Variants in ADARB1 observed in about 807,000 individuals in gnomAD.
ADARB1 encodes double-stranded RNA-specific editase 1.
Under a neutral mutation model 52.4 loss-of-function variants are expected in ADARB1, and 10 were observed. The observed-to-expected ratio is 0.19, with a 90% CI of 0.12 to 0.32. The LOEUF (loss-of-function observed/expected upper bound fraction) is 0.32, where lower values mean the gene tolerates loss of function less well. ADARB1 is among the 10% of genes least tolerant of loss of function. The probability of loss-of-function intolerance (pLI) is 1.00; values close to 1 mark genes in which losing one functional copy is unlikely to be tolerated. For missense variants in ADARB1, 643 were observed against 922.3 expected (o/e 0.70, Z 3.92); for synonymous variants, 349 against 371.1 (o/e 0.94, Z 0.68).
chr21:45,088,781 C>T (rs545134490), intron 1 of ADARB1, among the ~76,000 whole-genome samples: 1 of 152,194 alleles, frequency 6.6e-6, no homozygotes, highest in Non-Finnish European at 1.5e-5. Context: ...GTCACCTGGG[C>T]GATCAAGATC....
chr21:45,176,062 G>A lies in ADARB1; in HGVS notation c.361G>A (p.Glu121Lys). ...MSVEVNGQVF[E>K]GSGPTKKKAK... ...TGTGGAGGTGAATGGCCAGGTTTTTGAGGGCTCTGGTCCCACAAAGAAAAA... is the reference window on the plus strand; with the variant it reads ...TGTGGAGGTGAATGGCCAGGTTTTTAAGGGCTCTGGTCCCACAAAGAAAAA... The change falls in exon 4 of 11, where the codon GAG becomes AAG. Residue 121 changes from glutamate (E) to lysine (K), a missense_variant. Around this residue, in one of 2 missense-constraint regions of ADARB1, gnomAD observed 380 missense variants for 446.5 expected, o/e 0.85. Transcript: ENST00000348831. This position sits in a 1 kb window ranked among gnomAD's most constrained non-coding sequence, Gnocchi z 5.8. 1 of 1,614,144 alleles carries A rather than the reference G, an allele frequency of 6.2e-7. No homozygotes were observed. The highest frequency in any genetic ancestry group is 8.5e-7 in the Non-Finnish European group (1 of 1,180,022).
intron 1 of ADARB1, among the ~76,000 whole-genome samples, chr21:45,121,974 G>T (rs903122988): frequency 1.3e-5 from 2 of 152,098 alleles, no homozygotes; most frequent in Non-Finnish European, 2.9e-5. Context: ...ACTTCAAATG[G>T]CAGCTACTGT....
chr21:45,147,919 C>T (rs1383251616), intron 2 of ADARB1, among the ~76,000 whole-genome samples: 3 of 152,158 alleles, frequency 2.0e-5, no homozygotes, highest in African/African-American at 7.2e-5. Context: ...CCTCTGTCAC[C>T]GAGAGAGAGC....
intron 8 of ADARB1, among the ~76,000 whole-genome samples, chr21:45,196,316 A>G (rs986239654): frequency 1.3e-5 from 2 of 152,128 alleles, no homozygotes; most frequent in Non-Finnish European, 2.9e-5. Context: ...AAGCAAAAAA[A>G]ATCAAGCAAC....
At position 45,221,134 on chromosome 21, in the gene ADARB1, T is replaced by G; in HGVS notation, c.1926+120T>G. 1 of 1,182,032 alleles carries G rather than the reference T, an allele frequency of 8.5e-7. No individual in the cohort carries two copies. Among genetic ancestry groups the G allele is most frequent in the Non-Finnish European group, 1.2e-6 (1 of 858,046 alleles). The allele number at this position is 1,182,032 out of a possible 1,614,324, so 73.2% of individuals were successfully genotyped here. A position where few individuals can be genotyped will look rare whatever the true frequency, so the allele number is the denominator to read the frequency against. On this transcript the variant is annotated intron_variant, in intron 10 of 10. Transcript: ENST00000348831. The surrounding 1 kb of genome is among the most constrained non-coding windows in gnomAD (Gnocchi z 4.9). ...CATCATGCACAGCTTCCGAAAACGATCACTTGGAATGATTCTTCCTTCAGA... is the reference window on the plus strand; with the variant it reads ...CATCATGCACAGCTTCCGAAAACGAGCACTTGGAATGATTCTTCCTTCAGA...
At chr21:45,130,710 G>C (rs1014408401) in intron 2 of ADARB1, among the ~76,000 whole-genome samples, 2 of 152,148 alleles carry the variant, frequency 1.3e-5, no homozygotes, top group African/African-American at 4.8e-5. Context: ...AGTGCTGTCT[G>C]TGCCGTGTAG....
At chr21:45,184,845 C>A in intron 7 of ADARB1, 78 bp from the exon 8 acceptor site, 1 of 1,404,812 alleles carries the variant, frequency 7.1e-7, no homozygotes, top group Non-Finnish European at 9.8e-7. Flanking sequence ...AATTTATAAG[C>A]TATTGTTAGA....
At chr21:45,187,625 G>A (rs1384463443) in intron 8 of ADARB1, among the ~76,000 whole-genome samples, 4 of 152,162 alleles carry the variant, frequency 2.6e-5, no homozygotes, top group African/African-American at 7.2e-5. Flanking sequence ...TCACCGTTGA[G>A]TACAGTATTA....
chr21:45,221,025 GCC>G lies in ADARB1; in HGVS notation c.1926+13_1926+14del, dbSNP rs935716407. On this transcript the variant is annotated intron_variant, in intron 10 of 10. Coordinates refer to ENST00000348831, the MANE Select transcript of ADARB1 (RefSeq NM_001112.4). This position sits in a 1 kb window ranked among gnomAD's most constrained non-coding sequence, Gnocchi z 4.9. ...CGTGTGCACGGCAAGGTACTGAGGC[GCC>G]CTCACCGCAATGCGCCGGCTCCACC... The G allele has an allele frequency of 6.3e-7, 1 of 1,596,162 alleles. No individual in the cohort carries two copies. Among genetic ancestry groups the G allele is most frequent in the Non-Finnish European group, 8.6e-7 (1 of 1,169,292 alleles).
intron 1 of ADARB1, among the ~76,000 whole-genome samples, chr21:45,077,039 A>G (rs1485844479): frequency 2.6e-5 from 4 of 152,248 alleles, no homozygotes; most frequent in Non-Finnish European, 4.4e-5. Flanking sequence ...CCAATTGTGT[A>G]TTGTCCTAGC....
intron 8 of ADARB1, among the ~76,000 whole-genome samples, chr21:45,192,405 G>A (rs148409989): frequency 0.01 from 1,536 of 152,290 alleles, 19 homozygotes; most frequent in African/African-American, 0.035. Context: ...CCATTAAGAG[G>A]TGACGTCTCT....
intron 9 of ADARB1, among the ~76,000 whole-genome samples, chr21:45,207,745 G>A (rs2092694148): frequency 6.6e-6 from 1 of 152,202 alleles, no homozygotes; most frequent in Non-Finnish European, 1.5e-5. Flanking sequence ...TCATTCCCGT[G>A]TTAAAAAGAG....
At chr21:45,152,462 C>T (rs1207118682) in intron 2 of ADARB1, 2 of 232,992 alleles carry the variant, frequency 8.6e-6, no homozygotes, top group South Asian at 4.0e-5. Flanking sequence ...TGAATGGGCC[C>T]GAGGCAGAGG....
chr21:45,124,791 G>GTGTA (rs1569035600), intron 1 of ADARB1, among the ~76,000 whole-genome samples: 38 of 144,596 alleles, frequency 2.6e-4, no homozygotes, highest in Middle Eastern at 3.6e-3. Flanking sequence ...GTGTGTATGT[G>GTGTA]TGTGTGTGTG....
At chr21:45,161,869 G>A (rs1449370988) in intron 2 of ADARB1, among the ~76,000 whole-genome samples, 1 of 152,110 alleles carries the variant, frequency 6.6e-6, no homozygotes, top group Non-Finnish European at 1.5e-5. Context: ...GCCAGACTTG[G>A]GCAGAAGACA....
At position 45,128,224 on chromosome 21, in the gene ADARB1, G is replaced by T. The variant is rs2088715867; in HGVS notation, c.-219-178G>T. On this transcript the variant is annotated intron_variant, in intron 1 of 10. Coordinates refer to ENST00000348831, the MANE Select transcript of ADARB1 (RefSeq NM_001112.4). This position sits in a 1 kb window ranked among gnomAD's most constrained non-coding sequence, Gnocchi z 4.6. Reference sequence around the variant, plus strand: ...CAGGCAGACGGACGGAGACGTGATGGATTGCGCATATCCCCTTTACAGATT... The same window carrying T: ...CAGGCAGACGGACGGAGACGTGATGTATTGCGCATATCCCCTTTACAGATT... Among the ~76,000 whole-genome samples the T allele has an allele frequency of 6.6e-6, 1 of 152,228 alleles. No homozygotes were observed. The highest frequency in any genetic ancestry group is 2.4e-5 in the African/African-American group (1 of 41,440).
intron 1 of ADARB1, among the ~76,000 whole-genome samples, chr21:45,085,357 CACTT>C (rs769839014): frequency 6.6e-6 from 1 of 151,780 alleles, no homozygotes; most frequent in Non-Finnish European, 1.5e-5. Flanking sequence ...TGGTGGAAAA[CACTT>C]ACTACTTAGT....
chr21:45,085,096 T>A (rs2086289321), intron 1 of ADARB1, among the ~76,000 whole-genome samples: 1 of 152,176 alleles, frequency 6.6e-6, no homozygotes, highest in Non-Finnish European at 1.5e-5. Context: ...AGCTGCTGCA[T>A]CCCCAAGCCC....
chr21:45,222,668 A>ATAT lies in ADARB1; in HGVS notation c.*472_*474dup. 4.0e-6 allele frequency: 4 copies of ATAT among 987,798 alleles called. No homozygotes were observed. Among genetic ancestry groups the ATAT allele is most frequent in the Non-Finnish European group, 4.8e-6 (4 of 831,624 alleles). The allele number at this position is 987,798 out of a possible 1,614,324, so 61.2% of individuals were successfully genotyped here. Reference sequence around the variant, plus strand: ...ATTTTAATTGCAAAAAAGCATCTATATATGGAGGAGGGTGGGAAAATAGAG... The same window carrying ATAT: ...ATTTTAATTGCAAAAAAGCATCTATATATTATGGAGGAGGGTGGGAAAATAGAG... On this transcript the variant is annotated 3_prime_UTR_variant, in exon 11 of 11. Transcript: ENST00000348831.
Sources: gnomAD v4.1 joint callset for allele counts (sites outside exome capture counted in the v4.1 genomes callset) on GRCh38, gnomAD v4.1.1 for gene constraint, gnomAD v4.1.1 regional missense constraint, Gnocchi (gnomAD v3.1) non-coding constraint, MANE v1.5 for transcripts, NCBI Gene and HGNC (gene_info 2026-07-23, HGNC 2026-07-21) for gene names.